TMEM117: variants seen among roughly 807,000 people sequenced by gnomAD.
TMEM117 encodes transmembrane protein 117.
Under a neutral mutation model 52.4 loss-of-function variants are expected in TMEM117, and 27 were observed. The ratio of observed to expected loss-of-function variants is 0.51; its 90% CI spans 0.38 to 0.71. The LOEUF (loss-of-function observed/expected upper bound fraction) is 0.71, where lower values mean the gene tolerates loss of function less well. TMEM117 is among the 30% of genes least tolerant of loss of function. The pLI, the probability that TMEM117 is intolerant of heterozygous loss-of-function variation, is 0.00. For synonymous variants in TMEM117, 215 were observed against 206.3 expected, an observed-to-expected ratio of 1.04 and a Z score of -0.36; for missense variants, 556 against 630.5, an observed-to-expected ratio of 0.88 and a Z score of 1.26.
intron 5 of TMEM117, among the ~76,000 whole-genome samples, chr12:44,230,585 C>G (rs1400358336): frequency 6.6e-6 from 1 of 152,044 alleles, no homozygotes; most frequent in Admixed American, 6.6e-5. Context: ...CTTTCTTCCT[C>G]TTAGTAAAGG....
chr12:44,078,307 G>A (rs575330907), intron 3 of TMEM117, among the ~76,000 whole-genome samples: 2 of 152,340 alleles, frequency 1.3e-5, no homozygotes, highest in South Asian at 4.1e-4. Flanking sequence ...TGTTGTTGGA[G>A]TTAACAATAA....
At chr12:43,954,731 G>C (rs1945280184) in intron 3 of TMEM117, among the ~76,000 whole-genome samples, 1 of 152,132 alleles carries the variant, frequency 6.6e-6, no homozygotes, top group Non-Finnish European at 1.5e-5. Context: ...CATTTCTTCT[G>C]AAACTATTCC....
In TMEM117 at chr12:44,388,357, T is replaced by C. The variant is rs146088499; in HGVS notation, c.1230T>C (p.Phe410=). 1.9e-6 allele frequency: 3 copies of C among 1,613,564 alleles called. No individual in the cohort carries two copies. Among genetic ancestry groups the C allele is most frequent in the Non-Finnish European group, 2.5e-6 (3 of 1,179,672 alleles). The part of the protein sequence containing the change: ...SLIAFVWFGF[F]IWFFGRFLKN... Reference sequence around the variant, plus strand: ...TAGCCTTTGTGTGGTTTGGATTCTTTATTTGGTTCTTTGGACGATTTTTGA... The same window carrying C: ...TAGCCTTTGTGTGGTTTGGATTCTTCATTTGGTTCTTTGGACGATTTTTGA... Residue 410 remains phenylalanine, a synonymous_variant, in exon 8 of 8, where the codon TTT becomes TTC. Coordinates refer to ENST00000266534, the MANE Select transcript of TMEM117 (RefSeq NM_032256.3).
chr12:44,025,766 TATG>T (rs1367783825), intron 3 of TMEM117, among the ~76,000 whole-genome samples: 3 of 152,208 alleles, frequency 2.0e-5, no homozygotes, highest in African/African-American at 4.8e-5. Context: ...GAAGTTTAAA[TATG>T]ATAACAGATG....
chr12:43,825,153 G>T, the TMEM117 span, among the ~76,000 whole-genome samples: 1 of 152,202 alleles, frequency 6.6e-6, no homozygotes, highest in African/African-American at 2.4e-5. Flanking sequence ...AAATCTACTG[G>T]TTTTTAAATA....
At chr12:43,858,154 T>G (rs1362866864) in intron 2 of TMEM117, among the ~76,000 whole-genome samples, 1 of 152,236 alleles carries the variant, frequency 6.6e-6, no homozygotes, top group African/African-American at 2.4e-5. Context: ...ATCGTGGCTG[T>G]GACCCAGAGT....
At chr12:44,159,063 T>G (rs1948865159) in intron 4 of TMEM117, among the ~76,000 whole-genome samples, 1 of 152,168 alleles carries the variant, frequency 6.6e-6, no homozygotes, top group Non-Finnish European at 1.5e-5. Flanking sequence ...ATTTCTGTGG[T>G]ACTGGGCTGA....
At chr12:43,984,943 A>G (rs543476075) in intron 3 of TMEM117, among the ~76,000 whole-genome samples, 6 of 152,196 alleles carry the variant, frequency 3.9e-5, no homozygotes, top group Non-Finnish European at 8.8e-5. Context: ...AGCATTTCCA[A>G]TAGAAATTTG....
intron 3 of TMEM117, among the ~76,000 whole-genome samples, chr12:44,013,485 AG>A (rs1481353287): frequency 1.3e-5 from 2 of 151,996 alleles, no homozygotes; most frequent in Admixed American, 1.3e-4. Flanking sequence ...AAATTCCAAG[AG>A]GTTAGGGTCT....
chr12:44,352,342 C>T (rs1048127832), intron 6 of TMEM117, among the ~76,000 whole-genome samples: 1 of 151,878 alleles, frequency 6.6e-6, no homozygotes, highest in Non-Finnish European at 1.5e-5. Flanking sequence ...ATGTGCACAA[C>T]GTGCAGGTTT....
chr12:44,380,292 G>GCTGGT (rs1952002512), intron 7 of TMEM117, among the ~76,000 whole-genome samples: 1 of 152,178 alleles, frequency 6.6e-6, no homozygotes, highest in Admixed American at 6.5e-5. Flanking sequence ...GGGGAAAGGT[G>GCTGGT]CTGGTCTGAG....
chr12:44,090,695 C>T (rs939401370), intron 3 of TMEM117, among the ~76,000 whole-genome samples: 1 of 152,044 alleles, frequency 6.6e-6, no homozygotes, highest in African/African-American at 2.4e-5. Flanking sequence ...TCGCCTCAGC[C>T]TCCCAAAGTG....
the TMEM117 span, among the ~76,000 whole-genome samples, chr12:43,813,210 T>A: frequency 2.0e-5 from 3 of 150,794 alleles, no homozygotes; most frequent in African/African-American, 7.3e-5. Flanking sequence ...TCATTCAGGT[T>A]TTCTGAACTG....
At chr12:43,842,576 C>A (rs897383018) in intron 1 of TMEM117, among the ~76,000 whole-genome samples, 1 of 152,062 alleles carries the variant, frequency 6.6e-6, no homozygotes, top group Non-Finnish European at 1.5e-5. Flanking sequence ...GACTCAGGAG[C>A]CTTGGAGGCT....
chr12:44,352,919 T>A (rs12312895), intron 6 of TMEM117, among the ~76,000 whole-genome samples: 170 of 152,060 alleles, frequency 1.1e-3, no homozygotes, highest in African/African-American at 3.8e-3. Flanking sequence ...CCAACAGTGT[T>A]AAAGTGTTCC....
At chr12:44,203,060 G>T (rs564570470) in intron 4 of TMEM117, among the ~76,000 whole-genome samples, 1 of 152,144 alleles carries the variant, frequency 6.6e-6, no homozygotes, top group Non-Finnish European at 1.5e-5. Context: ...CTCCCAAAAT[G>T]CTGGGATTAC....
At chr12:44,114,923 T>C (rs1948111368) in intron 3 of TMEM117, among the ~76,000 whole-genome samples, 1 of 152,216 alleles carries the variant, frequency 6.6e-6, no homozygotes, top group Non-Finnish European at 1.5e-5. Context: ...AGGCTATGAA[T>C]AAAATATCTC....
At chr12:44,170,231 G>T (rs1949025764) in intron 4 of TMEM117, among the ~76,000 whole-genome samples, 1 of 146,050 alleles carries the variant, frequency 6.8e-6, no homozygotes, top group African/African-American at 2.6e-5. Flanking sequence ...ACTCATAGGT[G>T]GGAATTGAAC....
chr12:43,820,103 T>TTTTTGTTTTTGTTTTTG, the TMEM117 span, among the ~76,000 whole-genome samples: 5 of 151,588 alleles, frequency 3.3e-5, no homozygotes, highest in African/African-American at 1.2e-4. Flanking sequence ...AGGTGTATTT[T>TTTTTGTTTTTGTTTTTG]TTTTTGTTTT....
Sources: gnomAD v4.1 joint callset for allele counts (sites outside exome capture counted in the v4.1 genomes callset) on GRCh38, gnomAD v4.1.1 for gene constraint, MANE v1.5 for transcripts, NCBI Gene and HGNC (gene_info 2026-07-23, HGNC 2026-07-21) for gene names.